Variants in ADAMTS12 observed in about 807,000 individuals in gnomAD.
The protein encoded by ADAMTS12 is A disintegrin and metalloproteinase with thrombospondin motifs 12.
ADAMTS12 carries 118 observed loss-of-function variants against 167.8 expected under a neutral mutation model. The observed-to-expected ratio is 0.70, with a 90% CI of 0.61 to 0.82. The LOEUF is 0.82. Ranked by LOEUF, ADAMTS12 falls within the 40% of genes least tolerant of loss-of-function variation. The pLI is 0.00. For missense variants in ADAMTS12, 1,916 were observed against 1,998.8 expected, an observed-to-expected ratio of 0.96 and a Z score of 0.79; for synonymous variants, 704 against 716.9, an observed-to-expected ratio of 0.98 and a Z score of 0.29.
At chr5:33,786,801 C>T (rs10057930) in intron 2 of ADAMTS12, among the ~76,000 whole-genome samples, 7,658 of 152,226 alleles carry the variant, frequency 0.05, 686 homozygotes, top group African/African-American at 0.18. Context: ...CTTTTATTCA[C>T]ATCTCCCCAG....
At chr5:33,766,796 C>A (rs113316840) in intron 2 of ADAMTS12, among the ~76,000 whole-genome samples, 337 of 152,184 alleles carry the variant, frequency 2.2e-3, no homozygotes, top group Middle Eastern at 0.014. Flanking sequence ...TAAAATTGTG[C>A]AATTACTCTA....
intron 2 of ADAMTS12, among the ~76,000 whole-genome samples, chr5:33,870,263 T>C (rs1749987357): frequency 1.3e-5 from 2 of 152,280 alleles, no homozygotes; most frequent in South Asian, 4.1e-4. Context: ...ATGAAGATGA[T>C]GGGATTAAGA....
intron 2 of ADAMTS12, among the ~76,000 whole-genome samples, chr5:33,852,354 C>T (rs138868696): frequency 1.3e-5 from 2 of 152,258 alleles, no homozygotes; most frequent in East Asian, 3.9e-4. Flanking sequence ...TGATGACCCA[C>T]TAAGAGACTG....
At chr5:33,697,171 T>G (rs1372106048) in intron 3 of ADAMTS12, among the ~76,000 whole-genome samples, 1 of 152,168 alleles carries the variant, frequency 6.6e-6, no homozygotes, top group African/African-American at 2.4e-5. Context: ...AGGCATAAGG[T>G]GGTGTGTATA....
At chr5:33,582,685 G>A (rs1002834656) in intron 18 of ADAMTS12, among the ~76,000 whole-genome samples, 2 of 152,190 alleles carry the variant, frequency 1.3e-5, no homozygotes, top group Non-Finnish European at 2.9e-5. Context: ...GTCAGGCGCA[G>A]GAAGGGCCAG....
intron 3 of ADAMTS12, among the ~76,000 whole-genome samples, chr5:33,698,249 T>C (rs141155434): frequency 9.3e-4 from 141 of 152,340 alleles, no homozygotes; most frequent in African/African-American, 3.3e-3. Flanking sequence ...TTTTGCTTAT[T>C]AAAATCATCT....
At chr5:33,574,399 A>T (rs1210257130) in intron 19 of ADAMTS12, among the ~76,000 whole-genome samples, 1 of 152,164 alleles carries the variant, frequency 6.6e-6, no homozygotes, top group Non-Finnish European at 1.5e-5. Flanking sequence ...CATATACACC[A>T]TGGAATACTA....
chr5:33,859,080 T>C (rs1331237781), intron 2 of ADAMTS12, among the ~76,000 whole-genome samples: 1 of 152,026 alleles, frequency 6.6e-6, no homozygotes, highest in Admixed American at 6.5e-5. Flanking sequence ...CAAAACTGGG[T>C]GGCGGTTTGG....
intron 6 of ADAMTS12, among the ~76,000 whole-genome samples, chr5:33,660,014 G>A (rs1235825006): frequency 6.6e-6 from 1 of 152,170 alleles, no homozygotes; most frequent in Non-Finnish European, 1.5e-5. Context: ...CATGGGTAGA[G>A]GCCAGATATG....
At chr5:33,700,823 T>G (rs1409930070) in intron 3 of ADAMTS12, among the ~76,000 whole-genome samples, 1 of 152,182 alleles carries the variant, frequency 6.6e-6, no homozygotes, top group Non-Finnish European at 1.5e-5. Flanking sequence ...CTCTTTGTAT[T>G]GTATCTTATG....
At chr5:33,582,825 A>AT (rs1387001481) in intron 18 of ADAMTS12, among the ~76,000 whole-genome samples, 1 of 152,066 alleles carries the variant, frequency 6.6e-6, no homozygotes, top group Non-Finnish European at 1.5e-5. Context: ...ATTTGAAATT[A>AT]TTTTTTTCCA....
intron 19 of ADAMTS12, among the ~76,000 whole-genome samples, chr5:33,574,650 C>G (rs1012248679): frequency 1.3e-5 from 2 of 151,518 alleles, no homozygotes; most frequent in African/African-American, 4.9e-5. Flanking sequence ...TAATGCTAAA[C>G]GACGAATTAA....
intron 3 of ADAMTS12, among the ~76,000 whole-genome samples, chr5:33,693,157 G>T (rs866250597): frequency 1.3e-5 from 2 of 152,174 alleles, no homozygotes; most frequent in South Asian, 4.1e-4. Context: ...GAACTTAACT[G>T]CAGGGCATAA....
intron 16 of ADAMTS12, among the ~76,000 whole-genome samples, chr5:33,606,108 T>C (rs10055238): frequency 0.58 from 87,754 of 151,614 alleles, 25,632 homozygotes; most frequent in East Asian, 0.82. Flanking sequence ...TCACCACGCC[T>C]GGCTAATTTT....
chr5:33,831,805 C>T (rs1748310296), intron 2 of ADAMTS12, among the ~76,000 whole-genome samples: 1 of 152,190 alleles, frequency 6.6e-6, no homozygotes, highest in Non-Finnish European at 1.5e-5. Flanking sequence ...TGATAAATGA[C>T]CAGCTCTCCA....
chr5:33,757,366 T>C (rs1745202938), intron 2 of ADAMTS12, among the ~76,000 whole-genome samples: 1 of 152,178 alleles, frequency 6.6e-6, no homozygotes, highest in East Asian at 1.9e-4. Flanking sequence ...ATAAGGGCTA[T>C]GTGAGGGAGC....
chr5:33,720,280 T>TCTCACA lies in ADAMTS12; in HGVS notation c.634+31123_634+31124insTGTGAG, dbSNP rs776845626. On this transcript the variant is annotated intron_variant, in intron 3 of 23. Coordinates refer to ENST00000504830, the MANE Select transcript of ADAMTS12 (RefSeq NM_030955.4). ...TTCCATTCACCCCTCTCTCTCTCTCTCACTCACACACACACACACACACAC... is the reference window on the plus strand; with the variant it reads ...TTCCATTCACCCCTCTCTCTCTCTCTCTCACACACTCACACACACACACACACACAC... Among the ~76,000 whole-genome samples the TCTCACA allele has an allele frequency of 4.8e-5, 3 of 62,418 alleles. No individual in the cohort carries two copies. The East Asian group carries it at 8.9e-4, about 19-fold the overall frequency. The allele number at this position is 62,418 out of a possible 152,430, so 40.9% of individuals were successfully genotyped here.
intron 12 of ADAMTS12, among the ~76,000 whole-genome samples, chr5:33,634,559 A>G (rs1476995118): frequency 6.6e-6 from 1 of 152,170 alleles, no homozygotes; most frequent in Non-Finnish European, 1.5e-5. Flanking sequence ...TTAAAATCAA[A>G]TCAGCTTGGA....
chr5:33,767,847 G>T (rs539538822), intron 2 of ADAMTS12, among the ~76,000 whole-genome samples: 1 of 152,200 alleles, frequency 6.6e-6, no homozygotes, highest in South Asian at 2.1e-4. Context: ...AGTGGGAAAG[G>T]TGAGACAGGA....
Sources: allele counts gnomAD v4.1 joint callset (sites outside exome capture counted in the v4.1 genomes callset), GRCh38; gene constraint gnomAD v4.1.1; transcripts MANE v1.5; gene names NCBI Gene and HGNC (gene_info 2026-07-23, HGNC 2026-07-21).